The following COLGALT2 variants were observed in gnomAD, a reference collection of about 807,000 sequenced individuals.
COLGALT2 encodes procollagen galactosyltransferase 2.
COLGALT2 carries 49 observed loss-of-function variants against 73.4 expected under a neutral mutation model. That is an observed-to-expected ratio of 0.67 (90% confidence interval 0.53 to 0.85). COLGALT2 has a LOEUF of 0.85. Among genes scored for constraint, COLGALT2 ranks in the 40% least tolerant of loss-of-function variants. COLGALT2 has a pLI of 0.00. For missense variants in COLGALT2, 722 were observed against 790.2 expected (o/e 0.91, Z 1.03); for synonymous variants, 295 against 307.6 (o/e 0.96, Z 0.43).
intron 1 of COLGALT2, among the ~76,000 whole-genome samples, chr1:183,998,617 C>A (rs1671832157): frequency 6.6e-6 from 1 of 152,082 alleles, no homozygotes; most frequent in African/African-American, 2.4e-5. Flanking sequence ...CATGAACAAT[C>A]CTCTTGGGAT....
chr1:183,934,253 G>T (rs955124176), downstream of COLGALT2, among the ~76,000 whole-genome samples: 1 of 152,146 alleles, frequency 6.6e-6, no homozygotes, highest in African/African-American at 2.4e-5. Context: ...GTAATCTTTT[G>T]TAATATAATG....
chr1:184,016,448 A>G (rs573652721), intron 1 of COLGALT2, among the ~76,000 whole-genome samples: 2 of 152,368 alleles, frequency 1.3e-5, no homozygotes, highest in South Asian at 4.1e-4. Flanking sequence ...AGAAAGCACT[A>G]ACATAGAACT....
At chr1:183,934,918 TGAGACAGCCCTGAGAAG>T (rs1301022812), downstream of COLGALT2, among the ~76,000 whole-genome samples, 8 of 152,310 alleles carry the variant, frequency 5.3e-5, no homozygotes, top group East Asian at 1.3e-3. Flanking sequence ...GTGCTTATGA[TGAGACAGCCCTGAGAAG>T]GAGACAGCCC....
intron 1 of COLGALT2, among the ~76,000 whole-genome samples, chr1:183,994,423 T>A (rs1671716759): frequency 6.6e-6 from 1 of 151,592 alleles, no homozygotes; most frequent in African/African-American, 2.4e-5. Flanking sequence ...TAGTAAGTAA[T>A]GGATCCACGA....
chr1:183,940,721 CA>C lies in COLGALT2; in HGVS notation c.1463del (p.Leu488ArgfsTer48). ...PEKAVPNVAN[L>X]VEADYSYWTL... ...TCCAGTAGGAATAGTCGGCTTCGAC[CA>C]GGTTTGCCACATTGGGCACTGCTTT... On this transcript the variant is annotated frameshift_variant, in exon 11 of 12. Transcript: ENST00000361927. LOFTEE classifies it high-confidence loss of function. The C allele has an allele frequency of 6.2e-7, 1 of 1,614,212 alleles. No homozygotes were observed. Among genetic ancestry groups the C allele is most frequent in the South Asian group, 1.1e-5 (1 of 91,086 alleles).
intron 3 of COLGALT2, 98 bp from the exon 4 acceptor site, chr1:183,973,848 A>G: frequency 8.6e-7 from 1 of 1,156,500 alleles, no homozygotes; most frequent in Non-Finnish European, 1.2e-6. Flanking sequence ...AAACTTGCTC[A>G]TGACATATGG....
chr1:183,976,864 G>T (rs995953167), intron 2 of COLGALT2, among the ~76,000 whole-genome samples: 1 of 152,182 alleles, frequency 6.6e-6, no homozygotes, highest in African/African-American at 2.4e-5. Flanking sequence ...GAGTGATTAA[G>T]AATAGGTTTC....
chr1:183,996,515 A>G (rs12069741), intron 1 of COLGALT2, among the ~76,000 whole-genome samples: 10 of 152,334 alleles, frequency 6.6e-5, no homozygotes, highest in African/African-American at 2.2e-4. Flanking sequence ...TGGAGCTCTG[A>G]AAAGGGGTAT....
At chr1:183,952,862 G>A (rs1670437490) in intron 7 of COLGALT2, among the ~76,000 whole-genome samples, 1 of 152,098 alleles carries the variant, frequency 6.6e-6, no homozygotes, top group Non-Finnish European at 1.5e-5. Flanking sequence ...TAACTTAATG[G>A]GTTGTGTTCT....
intron 1 of COLGALT2, among the ~76,000 whole-genome samples, chr1:183,988,686 CTAAA>C: frequency 6.6e-6 from 1 of 152,278 alleles, no homozygotes; most frequent in East Asian, 1.9e-4. Flanking sequence ...CTTTTTATGG[CTAAA>C]TAATGTTCCA....
chr1:184,025,213 G>A (rs1165120344), intron 1 of COLGALT2, among the ~76,000 whole-genome samples: 3 of 152,254 alleles, frequency 2.0e-5, no homozygotes, highest in Non-Finnish European at 4.4e-5. Context: ...TCACCTGCTG[G>A]CATTGCTGCC....
chr1:183,930,129 A>G (rs964868688), exon 12 of COLGALT2: 10 of 449,444 alleles, frequency 2.2e-5, no homozygotes, highest in Admixed American at 4.7e-5. Context: ...ATGTGAGTAC[A>G]GGGGAGGTGG....
At chr1:184,034,686 G>A (rs148583818) in intron 1 of COLGALT2, among the ~76,000 whole-genome samples, 2 of 152,218 alleles carry the variant, frequency 1.3e-5, no homozygotes, top group East Asian at 3.9e-4. Flanking sequence ...ATATCTGATA[G>A]GGTCATTTTG....
In COLGALT2 at chr1:184,037,350, G is replaced by T; in HGVS notation, c.8C>A (p.Ala3Glu). 1 of 1,481,822 alleles carries T rather than the reference G, an allele frequency of 6.7e-7. No homozygotes were observed. The allele number at this position is 1,481,822 out of a possible 1,614,324, so 91.8% of individuals were successfully genotyped here. A position where few individuals can be genotyped will look rare whatever the true frequency, so the allele number is the denominator to read the frequency against. Reference sequence around the variant, plus strand: ...CCAGGCGAGGGTGGCAGCAGGGCGCGCAGCCATGTTCCGGGCCGAGGCGGG... The same window carrying T: ...CCAGGCGAGGGTGGCAGCAGGGCGCTCAGCCATGTTCCGGGCCGAGGCGGG... MA[A>E]RPAATLAWSL... Residue 3 changes from alanine (A) to glutamate (E), a missense_variant, in exon 1 of 12, where the codon GCG becomes GAG. By Grantham distance (107) the Ala-to-Glu change is moderately radical. Transcript: ENST00000361927.
At position 183,935,916 on chromosome 1, in the gene COLGALT2, G is replaced by A. The variant is rs866774908; in HGVS notation, c.*2845C>T. ...TCACTTCCCCACTCTGAAATAGCACGCAAGACAGATGATGCAGGGGAACGG... is the reference window on the plus strand; with the variant it reads ...TCACTTCCCCACTCTGAAATAGCACACAAGACAGATGATGCAGGGGAACGG... On this transcript the variant is annotated 3_prime_UTR_variant, in exon 12 of 12. Coordinates refer to ENST00000361927, the MANE Select transcript of COLGALT2 (RefSeq NM_015101.4). 14 of 985,398 alleles carry A rather than the reference G, an allele frequency of 1.4e-5. No individual in the cohort carries two copies. Among genetic ancestry groups the A allele is most frequent in the Non-Finnish European group, 1.6e-5 (13 of 829,936 alleles). The allele number at this position is 985,398 out of a possible 1,614,324, so 61.0% of individuals were successfully genotyped here.
intron 1 of COLGALT2, among the ~76,000 whole-genome samples, chr1:183,987,012 A>C (rs1025371239): frequency 2.0e-5 from 3 of 152,186 alleles, no homozygotes; most frequent in Admixed American, 1.3e-4. Context: ...TATGACCAAT[A>C]TGATCATCTC....
chr1:183,975,759 T>C (rs1426750159), intron 2 of COLGALT2, among the ~76,000 whole-genome samples: 1 of 152,234 alleles, frequency 6.6e-6, no homozygotes, highest in Non-Finnish European at 1.5e-5. Flanking sequence ...GTGGGATCTC[T>C]ATCAAGATTC....
downstream of COLGALT2, among the ~76,000 whole-genome samples, chr1:183,933,010 A>C (rs549537742): frequency 1.3e-5 from 2 of 152,148 alleles, no homozygotes; most frequent in South Asian, 4.2e-4. Flanking sequence ...ATTGTGAGTT[A>C]TTGCTCTTCC....
intron 6 of COLGALT2, among the ~76,000 whole-genome samples, chr1:183,955,040 T>C (rs1043303030): frequency 1.3e-5 from 2 of 152,220 alleles, no homozygotes; most frequent in African/African-American, 4.8e-5. Flanking sequence ...TTTGATTATA[T>C]GGAGATTGCA....
Sources: gnomAD v4.1 joint callset for allele counts (sites outside exome capture counted in the v4.1 genomes callset) on GRCh38, gnomAD v4.1.1 for gene constraint, MANE v1.5 for transcripts, NCBI Gene and HGNC (gene_info 2026-07-23, HGNC 2026-07-21) for gene names.